CTNNA2: variants seen among roughly 807,000 people sequenced by gnomAD.
CTNNA2 encodes catenin alpha 2, also known as catenin alpha-2.
In CTNNA2, 42 loss-of-function variants were observed where a neutral mutation model predicts 101.0. The ratio of observed to expected loss-of-function variants is 0.42; its 90% CI spans 0.32 to 0.54. The LOEUF (loss-of-function observed/expected upper bound fraction) is 0.54. Ranked by LOEUF, CTNNA2 falls within the 20% of genes least tolerant of loss-of-function variation. CTNNA2 has a pLI of 0.14. For synonymous variants in CTNNA2, 450 were observed against 456.4 expected (o/e 0.99, Z 0.18); for missense variants, 871 against 1,223.1 (o/e 0.71, Z 4.29).
At chr2:80,258,810 G>A (rs1009134146) in intron 7 of CTNNA2, among the ~76,000 whole-genome samples, 1 of 152,060 alleles carries the variant, frequency 6.6e-6, no homozygotes, top group African/African-American at 2.4e-5. Context: ...TGGACAAAGG[G>A]ACACATATTG....
chr2:79,816,607 G>A lies in CTNNA2; in HGVS notation c.299-41406G>A, dbSNP rs181309913. Among the ~76,000 whole-genome samples, 69 of 152,178 alleles carry A rather than the reference G, an allele frequency of 4.5e-4. 1 individual carries two copies. Among genetic ancestry groups the A allele is most frequent in the African/African-American group, 1.6e-3 (68 of 41,534 alleles). On this transcript the variant is annotated intron_variant, in intron 3 of 18. Coordinates refer to ENST00000402739, the MANE Select transcript of CTNNA2 (RefSeq NM_001282597.3). ...AAGAGAGTTCAAAGATCAACCCCGAGGCCATGGAAGAAAAGCACTGAAAAT... is the reference window on the plus strand; with the variant it reads ...AAGAGAGTTCAAAGATCAACCCCGAAGCCATGGAAGAAAAGCACTGAAAAT...
At chr2:80,598,643 T>C (rs539906770) in intron 15 of CTNNA2, among the ~76,000 whole-genome samples, 44 of 152,000 alleles carry the variant, frequency 2.9e-4, no homozygotes, top group Non-Finnish European at 4.6e-4. Context: ...ATGTCCTTCA[T>C]TGGGCAAATG....
intron 7 of CTNNA2, among the ~76,000 whole-genome samples, chr2:80,057,050 T>A (rs930779887): frequency 6.6e-6 from 1 of 152,194 alleles, no homozygotes; most frequent in Non-Finnish European, 1.5e-5. Flanking sequence ...AAAAATTAAT[T>A]CATTCTTTAT....
intron 7 of CTNNA2, among the ~76,000 whole-genome samples, chr2:80,063,439 AT>A (rs1353226838): frequency 6.6e-6 from 1 of 152,266 alleles, no homozygotes; most frequent in Non-Finnish European, 1.5e-5. Context: ...AATGTAAAAA[AT>A]AAAAGAAAAA....
intron 8 of CTNNA2, among the ~76,000 whole-genome samples, chr2:80,397,496 G>A (rs1383450963): frequency 6.6e-6 from 1 of 152,040 alleles, no homozygotes; most frequent in Non-Finnish European, 1.5e-5. Context: ...GAATCATGGG[G>A]GCAGGTCTTT....
intron 7 of CTNNA2, among the ~76,000 whole-genome samples, chr2:80,048,453 G>A (rs531652567): frequency 1.5e-4 from 22 of 151,596 alleles, no homozygotes; most frequent in South Asian, 6.2e-4. Context: ...CAAGAGAAAC[G>A]TGATTTTTGC....
intron 2 of CTNNA2, among the ~76,000 whole-genome samples, chr2:79,696,708 A>G (rs1366169031): frequency 6.6e-6 from 1 of 152,038 alleles, no homozygotes; most frequent in East Asian, 1.9e-4. Context: ...GGAATTGGCA[A>G]TGAAAATGAG....
chr2:79,257,230 G>A (rs1674859658), intron 2 of CTNNA2, among the ~76,000 whole-genome samples: 1 of 151,988 alleles, frequency 6.6e-6, no homozygotes, highest in African/African-American at 2.4e-5. Flanking sequence ...GAAGTTTCTG[G>A]CTTCTAAGCA....
chr2:80,157,852 G>A (rs907282084), intron 7 of CTNNA2, among the ~76,000 whole-genome samples: 5 of 152,134 alleles, frequency 3.3e-5, no homozygotes, highest in African/African-American at 1.2e-4. Context: ...GTGATGAGTA[G>A]AGGTTGTGCT....
At chr2:80,555,015 G>A (rs1441027547) in intron 11 of CTNNA2, among the ~76,000 whole-genome samples, 1 of 152,230 alleles carries the variant, frequency 6.6e-6, no homozygotes, top group African/African-American at 2.4e-5. Flanking sequence ...TGAAAGTTAT[G>A]CAGATCTTGA....
intron 18 of CTNNA2, among the ~76,000 whole-genome samples, chr2:80,627,960 T>A (rs62152013): frequency 0.067 from 10,217 of 152,076 alleles, 388 homozygotes; most frequent in African/African-American, 0.11. Flanking sequence ...GCATTCCTAT[T>A]TACCAATAAG....
intron 9 of CTNNA2, among the ~76,000 whole-genome samples, chr2:80,494,741 C>G (rs1381276924): frequency 4.5e-5 from 6 of 133,588 alleles, no homozygotes; most frequent in Non-Finnish European, 8.3e-5. Context: ...AAGATAATTT[C>G]TAATAAAAGG....
intron 2 of CTNNA2, among the ~76,000 whole-genome samples, chr2:79,733,234 G>A (rs973533047): frequency 6.6e-6 from 1 of 151,962 alleles, no homozygotes; most frequent in African/African-American, 2.4e-5. Flanking sequence ...ATACCATCAT[G>A]AGCTAATATC....
At chr2:80,047,887 C>T (rs1572941330) in intron 7 of CTNNA2, among the ~76,000 whole-genome samples, 2 of 152,268 alleles carry the variant, frequency 1.3e-5, no homozygotes, top group African/African-American at 4.8e-5. Flanking sequence ...GGAGCGTGAG[C>T]AATCATGTAG....
intron 7 of CTNNA2, among the ~76,000 whole-genome samples, chr2:80,021,134 C>A (rs1386874047): frequency 6.6e-6 from 1 of 151,710 alleles, no homozygotes; most frequent in Non-Finnish European, 1.5e-5. Context: ...ATCCTCCCAC[C>A]TCAGCCTCCT....
intron 14 of CTNNA2, among the ~76,000 whole-genome samples, chr2:80,584,162 G>A (rs1695774902): frequency 6.6e-6 from 1 of 152,054 alleles, no homozygotes; most frequent in Non-Finnish European, 1.5e-5. Flanking sequence ...AATTTTGAAG[G>A]AGGCGAACTT....
At chr2:79,479,998 G>T (rs1159275631) in intron 4 of CTNNA2, among the ~76,000 whole-genome samples, 1 of 152,086 alleles carries the variant, frequency 6.6e-6, no homozygotes, top group East Asian at 1.9e-4. Context: ...GGTTTTGGAG[G>T]CAGTACAAGA....
intron 7 of CTNNA2, among the ~76,000 whole-genome samples, chr2:80,345,266 A>G (rs1274586298): frequency 3.9e-5 from 6 of 152,168 alleles, no homozygotes; most frequent in African/African-American, 1.4e-4. Context: ...AGCTCCTGGC[A>G]CACTAGCCCC....
chr2:79,344,131 C>A (rs947884387), intron 3 of CTNNA2, among the ~76,000 whole-genome samples: 5 of 152,172 alleles, frequency 3.3e-5, no homozygotes, highest in African/African-American at 1.2e-4. Context: ...GCACACTAAC[C>A]AGAGGGGCAG....
Sources: allele counts gnomAD v4.1 joint callset (sites outside exome capture counted in the v4.1 genomes callset), GRCh38; gene constraint gnomAD v4.1.1; transcripts MANE v1.5; gene names NCBI Gene and HGNC (gene_info 2026-07-23, HGNC 2026-07-21).